Variants in PHC3 observed in about 807,000 individuals in gnomAD.
PHC3 encodes polyhomeotic homolog 3, also known as polyhomeotic-like protein 3.
PHC3 carries 13 observed loss-of-function variants against 107.4 expected under a neutral mutation model. That is an observed-to-expected ratio of 0.12 (90% confidence interval 0.08 to 0.19). PHC3 has a LOEUF of 0.19. Ranked by LOEUF, PHC3 falls within the 10% of genes least tolerant of loss-of-function variation. PHC3 has a pLI of 1.00. For synonymous variants in PHC3, 456 were observed against 427.4 expected, an observed-to-expected ratio of 1.07 and a Z score of -0.83; for missense variants, 992 against 1,210.9, an observed-to-expected ratio of 0.82 and a Z score of 2.68.
intron 4 of PHC3, among the ~76,000 whole-genome samples, chr3:170,162,984 T>G (rs1434317647): frequency 1.3e-5 from 2 of 151,862 alleles, no homozygotes; most frequent in Non-Finnish European, 2.9e-5. Context: ...GCTTTATTTT[T>G]CTCCTTTTTT....
intron 11 of PHC3, among the ~76,000 whole-genome samples, chr3:170,110,803 A>C (rs569757098): frequency 6.6e-6 from 1 of 152,292 alleles, no homozygotes; most frequent in African/African-American, 2.4e-5. Flanking sequence ...ATATGTTGTA[A>C]AGTTTCCTAA....
At chr3:170,126,350 T>A (rs980092703) in intron 8 of PHC3, among the ~76,000 whole-genome samples, 1 of 151,592 alleles carries the variant, frequency 6.6e-6, no homozygotes, top group Non-Finnish European at 1.5e-5. Context: ...AAAGGTAACA[T>A]GGAAACATCC....
At chr3:170,133,866 A>G (rs1315851328) in intron 7 of PHC3, among the ~76,000 whole-genome samples, 1 of 152,194 alleles carries the variant, frequency 6.6e-6, no homozygotes, top group Admixed American at 6.5e-5. Context: ...ATCCAAAACT[A>G]GATTTCCTTG....
At chr3:170,135,409 C>G (rs946549442) in intron 7 of PHC3, among the ~76,000 whole-genome samples, 1 of 151,764 alleles carries the variant, frequency 6.6e-6, no homozygotes, top group African/African-American at 2.4e-5. Context: ...CCTCAGCCTC[C>G]CAAAGTGCTG....
chr3:170,123,324 T>C (rs540157258), intron 8 of PHC3, among the ~76,000 whole-genome samples: 110 of 150,048 alleles, frequency 7.3e-4, no homozygotes, highest in African/African-American at 2.4e-3. Flanking sequence ...ATATATAATA[T>C]GCAAACAGAA....
At chr3:170,139,923 A>T (rs778502507) in intron 6 of PHC3, among the ~76,000 whole-genome samples, 15 of 152,132 alleles carry the variant, frequency 9.9e-5, no homozygotes, top group Non-Finnish European at 1.8e-4. Flanking sequence ...CTTTCCTTTG[A>T]TCAAGTTATG....
rs1295499729 is a variant in PHC3, at chr3:170,089,169, C to T, written c.*8061G>A. On this transcript the variant is annotated 3_prime_UTR_variant, in exon 15 of 15. Coordinates refer to ENST00000495893, the MANE Select transcript of PHC3 (RefSeq NM_024947.4). ...GTGACAGTGAGACTCTGTCTCAAAA[C>T]AAACAAAACAAAAAAGCTAAAACAA... The T allele has an allele frequency of 6.6e-6, 1 of 151,958 alleles. No individual in the cohort carries two copies. Among genetic ancestry groups the T allele is most frequent in the African/African-American group, 2.4e-5 (1 of 41,376 alleles). The allele number at this position is 151,958 out of a possible 1,614,324, so 9.4% of individuals were successfully genotyped here.
intron 7 of PHC3, among the ~76,000 whole-genome samples, chr3:170,132,763 T>C (rs1722466048): frequency 6.6e-6 from 1 of 152,232 alleles, no homozygotes; most frequent in South Asian, 2.1e-4. Context: ...GATTGATTAA[T>C]ACAGGACCTT....
At chr3:170,163,680 T>A (rs1226692007) in intron 4 of PHC3, among the ~76,000 whole-genome samples, 1 of 150,932 alleles carries the variant, frequency 6.6e-6, no homozygotes, top group African/African-American at 2.4e-5. Context: ...CTGGCCAACA[T>A]GGTGAAACCC....
chr3:170,177,749 C>A (rs1321056505), intron 2 of PHC3, among the ~76,000 whole-genome samples: 2 of 145,022 alleles, frequency 1.4e-5, no homozygotes, highest in Non-Finnish European at 3.0e-5. Flanking sequence ...CAGCTCATTG[C>A]AGCCTTGACC....
At chr3:170,101,255 T>A (rs1272270812) in intron 14 of PHC3, among the ~76,000 whole-genome samples, 1 of 152,222 alleles carries the variant, frequency 6.6e-6, no homozygotes, top group Non-Finnish European at 1.5e-5. Flanking sequence ...GTGGCCATAT[T>A]TTTTTAAAAC....
At chr3:170,117,523 G>C in intron 9 of PHC3, 47 bp from the exon 10 acceptor site, 2 of 1,558,050 alleles carry the variant, frequency 1.3e-6, no homozygotes, top group South Asian at 1.2e-5. Context: ...TTAGCATTTT[G>C]CCCAAGCAAA....
chr3:170,154,025 G>A (rs1047889838), intron 4 of PHC3, among the ~76,000 whole-genome samples: 11 of 152,100 alleles, frequency 7.2e-5, no homozygotes, highest in African/African-American at 2.7e-4. Context: ...AGCTTTTTCA[G>A]GCATTCCCAT....
At chr3:170,121,594 G>C (rs914247062) in intron 9 of PHC3, among the ~76,000 whole-genome samples, 3 of 151,980 alleles carry the variant, frequency 2.0e-5, no homozygotes, top group Admixed American at 6.6e-5. Flanking sequence ...AAACTCCAGG[G>C]CTCAAGTCAT....
chr3:170,147,186 T>C (rs1725120798), intron 5 of PHC3: 1 of 152,224 alleles, frequency 6.6e-6, no homozygotes, highest in Non-Finnish European at 1.5e-5. Flanking sequence ...CATTAATTTC[T>C]AAGGCAATAC....
intron 2 of PHC3, among the ~76,000 whole-genome samples, chr3:170,174,381 T>G (rs1730087968): frequency 6.6e-6 from 1 of 152,150 alleles, no homozygotes; most frequent in African/African-American, 2.4e-5. Flanking sequence ...GTTAGTAAAA[T>G]GTAAAATCTG....
chr3:170,171,508 G>C, intron 3 of PHC3, 58 bp from the exon 4 acceptor site: 1 of 1,237,732 alleles, frequency 8.1e-7, no homozygotes. Context: ...AGAACTTTCT[G>C]GTACCATGAT....
chr3:170,159,108 G>A (rs942751958), intron 4 of PHC3, among the ~76,000 whole-genome samples: 2 of 151,828 alleles, frequency 1.3e-5, no homozygotes, highest in Admixed American at 6.6e-5. Flanking sequence ...AAAATTAGCA[G>A]GGCGTGGTGG....
At chr3:170,108,594 T>C (rs1236807053) in intron 11 of PHC3, among the ~76,000 whole-genome samples, 2 of 152,198 alleles carry the variant, frequency 1.3e-5, no homozygotes, top group Non-Finnish European at 2.9e-5. Context: ...CCCCTTCCAA[T>C]GACCTTCCAA....
Sources: allele counts gnomAD v4.1 joint callset (sites outside exome capture counted in the v4.1 genomes callset), GRCh38; gene constraint gnomAD v4.1.1; transcripts MANE v1.5; gene names NCBI Gene and HGNC (gene_info 2026-07-23, HGNC 2026-07-21).